Variants in IDO1 observed in about 807,000 individuals in gnomAD.
The protein encoded by IDO1 is indolamine 2,3 dioxygenase.
In IDO1, 35 loss-of-function variants were observed where a neutral mutation model predicts 38.8. That is an observed-to-expected ratio of 0.90 (90% confidence interval 0.69 to 1.20). The LOEUF is 1.20. Among genes scored for constraint, IDO1 ranks in the 50% most tolerant of loss-of-function variants. IDO1 has a pLI of 0.00. For missense variants in IDO1, 509 were observed against 485.1 expected (o/e 1.05, Z -0.46); for synonymous variants, 171 against 170.0 (o/e 1.01, Z -0.05).
At chr8:39,918,062 G>C in intron 2 of IDO1, 26 bp from the exon 3 acceptor site, 1 of 1,613,416 alleles carries the variant, frequency 6.2e-7, no homozygotes, top group Non-Finnish European at 8.5e-7. Flanking sequence ...AGATTGATTT[G>C]AGTCAATTGC....
At chr8:39,918,719 C>T in intron 3 of IDO1, 96 bp from the exon 4 acceptor site, 1 of 677,246 alleles carries the variant, frequency 1.5e-6, no homozygotes, top group Admixed American at 3.0e-5. Context: ...GCGCTCCAGC[C>T]TGGGGGACAG....
Position 39,918,836 on chromosome 8 carries a change from G to A in IDO1, c.325G>A (p.Val109Ile), listed in dbSNP as rs772041863. The A allele has an allele frequency of 5.6e-6, 9 of 1,606,608 alleles. No homozygotes were observed. Among genetic ancestry groups the A allele is most frequent in the Non-Finnish European group, 6.0e-6 (7 of 1,175,374 alleles). The change falls in exon 4 of 10, where the codon GTT (valine) becomes ATT (isoleucine). Residue 109 changes from valine to isoleucine, a missense_variant. Physicochemically the swap from Val to Ile is conservative, Grantham distance 29. Coordinates refer to ENST00000518237, the MANE Select transcript of IDO1 (RefSeq NM_002164.6). ...VRKVLPRNIA[V>I]PYCQLSKKLE... ...TCAGGTCTTGCCAAGAAATATTGCT[G>A]TTCCTTACTGCCAACTCTCCAAGAA...
chr8:39,917,229 C>T (rs2129592107), intron 1 of IDO1, among the ~76,000 whole-genome samples: 1 of 152,372 alleles, frequency 6.6e-6, no homozygotes, highest in Non-Finnish European at 1.5e-5. Context: ...GGCGCAGTGG[C>T]TCATGCCTGT....
rs201170433 is a variant in IDO1 at position 39,922,598 on chromosome 8, G to C, written c.484G>C (p.Gly162Arg). Residue 162 changes from glycine (G) to arginine (R), a missense_variant, in exon 6 of 10, where the codon GGA becomes CGA. Physicochemically the swap from Gly to Arg is moderately radical, Grantham distance 125. Coordinates refer to ENST00000518237, the MANE Select transcript of IDO1 (RefSeq NM_002164.6). ...ATTTCGTGATGGAGACTGCAGTAAA[G>C]GATTCTTCCTGGTCTCTCTATTGGT... The part of the protein sequence containing the change: ...FSFRDGDCSK[G>R]FFLVSLLVEI... 3 of 1,613,534 alleles carry C rather than the reference G, an allele frequency of 1.9e-6. No homozygotes were observed. Among genetic ancestry groups the C allele is most frequent in the Admixed American group, 3.3e-5 (2 of 60,006 alleles).
At chr8:39,922,778 T>C (rs756942517) in intron 6 of IDO1, 127 bp downstream of exon 6, 138 of 690,660 alleles carry the variant, frequency 2.0e-4, no homozygotes, top group Non-Finnish European at 3.2e-4. Context: ...GATCATTTAA[T>C]TGGGGGTAAA....
At position 39,922,666 on chromosome 8, in the gene IDO1, A is replaced by T; in HGVS notation, c.537+15A>T. On this transcript the variant is annotated intron_variant, in intron 6 of 9. Transcript: ENST00000518237. The stretch of plus-strand genomic sequence containing the variant: ...CTGCAATCAAAGTACGTCTATCCTC[A>T]CTTCAAAATTTATATGTCAATTTAC... 2 of 1,548,066 alleles carry T rather than the reference A, an allele frequency of 1.3e-6. No homozygotes were observed. Among genetic ancestry groups the T allele is most frequent in the Non-Finnish European group, 1.8e-6 (2 of 1,120,644 alleles).
At chr8:39,924,300 G>C (rs1288924011) in intron 7 of IDO1, among the ~76,000 whole-genome samples, 1 of 152,026 alleles carries the variant, frequency 6.6e-6, no homozygotes, top group African/African-American at 2.4e-5. Context: ...CCAGGAGTTG[G>C]GGCTGCAGTG....
intron 8 of IDO1, 80 bp from the exon 9 acceptor site, chr8:39,925,143 C>A: frequency 7.6e-7 from 1 of 1,313,094 alleles, no homozygotes. Context: ...CTGTTCAGCA[C>A]TAGTGCAAGA....
Position 39,923,488 on chromosome 8 carries a change from A to G in IDO1, c.557A>G (p.Lys186Arg). 6.2e-7 allele frequency: 1 copy of G among 1,603,334 alleles called. No individual in the cohort carries two copies. Among genetic ancestry groups the G allele is most frequent in the East Asian group, 2.2e-5 (1 of 44,820 alleles). Residue 186 changes from lysine (K) to arginine (R), a missense_variant, in exon 7 of 10, where the codon AAG (lysine) becomes AGG (arginine). Transcript: ENST00000518237. The stretch of plus-strand genomic sequence containing the variant: ...TTTTAGGTAATTCCTACTGTATTCA[A>G]GGCAATGCAAATGCAAGAACGGGAC... ...SAIKVIPTVF[K>R]AMQMQERDTL...
At chr8:39,925,492 A>C in intron 9 of IDO1, 121 bp downstream of exon 9, 1 of 982,860 alleles carries the variant, frequency 1.0e-6, no homozygotes, top group Non-Finnish European at 1.4e-6. Flanking sequence ...TAGCAGAATC[A>C]GGCAAGTAGG....
rs963783178 is a variant in IDO1 at position 39,925,993 on chromosome 8, C to T, written c.856+622C>T. On this transcript the variant is annotated intron_variant, in intron 9 of 9. Transcript: ENST00000518237. ...ACAAGATCAGGAGATCGAGACCATC[C>T]TGGCTAACACGGTGAAACCCTGTCT... is the stretch of plus-strand genomic sequence containing the variant. Among the ~76,000 whole-genome samples, 4 of 152,026 alleles carry T rather than the reference C, an allele frequency of 2.6e-5. No individual in the cohort carries two copies. The South Asian group carries it at 6.2e-4, about 24-fold the overall frequency.
intron 9 of IDO1, 113 bp downstream of exon 9, chr8:39,925,484 G>A: frequency 1.9e-6 from 2 of 1,038,814 alleles, no homozygotes; most frequent in Non-Finnish European, 2.7e-6. Context: ...GATAGTTTTA[G>A]CAGAATCAGG....
At chr8:39,922,040 G>A (rs894134012) in intron 5 of IDO1, among the ~76,000 whole-genome samples, 23 of 152,022 alleles carry the variant, frequency 1.5e-4, no homozygotes, top group African/African-American at 4.8e-4. Flanking sequence ...CGCTCTTGTC[G>A]CCCAGGCTGG....
chr8:39,927,300 C>T (rs1807376787), intron 9 of IDO1, among the ~76,000 whole-genome samples: 1 of 152,142 alleles, frequency 6.6e-6, no homozygotes, highest in African/African-American at 2.4e-5. Context: ...GTGGCTCATG[C>T]CTGTAATCCC....
rs184345730 is a variant in IDO1 at position 39,918,370 on chromosome 8, T to C, written c.303+163T>C. 14 of 621,662 alleles carry C rather than the reference T, an allele frequency of 2.3e-5. No individual in the cohort carries two copies. The East Asian group carries it at 3.9e-4, about 17-fold the overall frequency. The allele number at this position is 621,662 out of a possible 1,614,324, so 38.5% of individuals were successfully genotyped here. ...ATATGCCCTGGCTTGACATGTCCAC[T>C]GTTATCATTATTATATTTTTAGTCT... On this transcript the variant is annotated intron_variant, in intron 3 of 9. Transcript: ENST00000518237.
chr8:39,917,054 G>A (rs1807184859), intron 1 of IDO1, among the ~76,000 whole-genome samples: 1 of 152,168 alleles, frequency 6.6e-6, no homozygotes, highest in South Asian at 2.1e-4. Flanking sequence ...CCTTATTTAT[G>A]ATACAGAGAT....
Position 39,928,085 on chromosome 8 carries a change from C to G in IDO1, c.1112C>G (p.Pro371Arg). The G allele has an allele frequency of 6.2e-7, 1 of 1,613,138 alleles. No individual in the cohort carries two copies. ...QPKENKTSED[P>R]SKLEAKGTGG... ...AAGGAGAATAAGACCTCTGAAGACC[C>G]TTCAAAACTGGAAGCCAAAGGAACT... Residue 371 changes from proline to arginine, a missense_variant, in exon 10 of 10, where the codon CCT becomes CGT. Transcript: ENST00000518237.
At chr8:39,921,701 T>A (rs954807756) in intron 5 of IDO1, among the ~76,000 whole-genome samples, 2 of 152,136 alleles carry the variant, frequency 1.3e-5, no homozygotes, top group African/African-American at 4.8e-5. Context: ...ACAAAACTCA[T>A]AGATATACAG....
rs370839876 is a variant in IDO1, at chr8:39,922,540, C to T, written c.438-12C>T. The T allele has an allele frequency of 5.0e-6, 8 of 1,585,538 alleles. No individual in the cohort carries two copies. In the African/African-American group the frequency reaches 1.1e-4, roughly 21 times the overall value. The stretch of plus-strand genomic sequence containing the variant: ...TGCTAAACTTCTTGCCTTCCTTATC[C>T]AATTTCCTCAGGAACATGGACGTTT... On this transcript the variant is annotated splice_polypyrimidine_tract_variant and intron_variant, in intron 5 of 9. Transcript: ENST00000518237.
Sources: gnomAD v4.1 joint callset for allele counts (sites outside exome capture counted in the v4.1 genomes callset) on GRCh38, gnomAD v4.1.1 for gene constraint, MANE v1.5 for transcripts, NCBI Gene and HGNC (gene_info 2026-07-23, HGNC 2026-07-21) for gene names.